Variants in ACTR2 observed in about 807,000 individuals in gnomAD.
The protein encoded by ACTR2 is actin related protein 2.
Under a neutral mutation model 50.2 loss-of-function variants are expected in ACTR2, and 5 were observed. The ratio of observed to expected loss-of-function variants is 0.10; its 90% confidence interval spans 0.05 to 0.21. The LOEUF is 0.21. Among genes scored for constraint, ACTR2 ranks in the 10% least tolerant of loss-of-function variants. The pLI, the probability that ACTR2 is intolerant of heterozygous loss-of-function variation, is 1.00. For synonymous variants in ACTR2, 140 were observed against 162.9 expected, an observed-to-expected ratio of 0.86 and a Z score of 1.07; for missense variants, 180 against 480.6, an observed-to-expected ratio of 0.37 and a Z score of 5.85.
chr2:65,241,041 CCT>C (rs1671832873), intron 2 of ACTR2, among the ~76,000 whole-genome samples: 2 of 150,568 alleles, frequency 1.3e-5, no homozygotes, highest in African/African-American at 4.9e-5. Flanking sequence ...ATTTTTCTGG[CCT>C]CTCCTGTTAA....
chr2:65,248,072 C>A (rs746706831), intron 3 of ACTR2, among the ~76,000 whole-genome samples: 1 of 151,940 alleles, frequency 6.6e-6, no homozygotes, highest in Non-Finnish European at 1.5e-5. Flanking sequence ...AAGATGAGGT[C>A]GAGTAAGTAA....
chr2:65,243,860 G>A (rs1671886032), intron 2 of ACTR2, among the ~76,000 whole-genome samples: 1 of 152,126 alleles, frequency 6.6e-6, no homozygotes, highest in Non-Finnish European at 1.5e-5. Context: ...GTGATGTTCA[G>A]TGGCGGGGCA....
At chr2:65,236,960 A>G (rs886514244) in intron 1 of ACTR2, among the ~76,000 whole-genome samples, 2 of 152,222 alleles carry the variant, frequency 1.3e-5, no homozygotes, top group African/African-American at 2.4e-5. Flanking sequence ...GCCTGGAGCC[A>G]TAGAAAAACA....
chr2:65,266,450 AG>A (rs1239798100), intron 8 of ACTR2, among the ~76,000 whole-genome samples: 1 of 151,532 alleles, frequency 6.6e-6, no homozygotes, highest in East Asian at 1.9e-4. Context: ...TGAGCAAGGG[AG>A]GGGGGCAGGT....
At chr2:65,257,457 A>G (rs1193296853) in intron 6 of ACTR2, among the ~76,000 whole-genome samples, 4 of 152,206 alleles carry the variant, frequency 2.6e-5, no homozygotes, top group African/African-American at 7.2e-5. Context: ...TCCTTTGGGT[A>G]TATACCCAGT....
intron 1 of ACTR2, among the ~76,000 whole-genome samples, chr2:65,236,335 CAAA>C (rs557739010): frequency 2.7e-5 from 3 of 110,324 alleles, no homozygotes. Context: ...GACTCCATCT[CAAA>C]AAAAAAAAAA....
rs200269427 is a variant in ACTR2 at position 65,254,967 on chromosome 2, AT to A, written c.586-570del. ...TTTTTTTTATTTGTAAAGTCTAGTA[AT>A]TTTTTTTCTCTCAGTGGGTTTTTAA... On this transcript the variant is annotated intron_variant, in intron 5 of 8. Transcript: ENST00000260641. Among the ~76,000 whole-genome samples, 4 of 151,830 alleles carry A rather than the reference AT, an allele frequency of 2.6e-5. No homozygotes were observed. The South Asian group carries it at 8.3e-4, about 31-fold the overall frequency.
intron 1 of ACTR2, among the ~76,000 whole-genome samples, chr2:65,238,672 A>AAG: frequency 6.7e-6 from 1 of 150,244 alleles, no homozygotes; most frequent in Middle Eastern, 3.5e-3. Context: ...AAAAAAAAAA[A>AAG]AAGTAAATAG....
At position 65,269,982 on chromosome 2, in the gene ACTR2, AAAG is replaced by A. The variant is rs1329199697; in HGVS notation, c.*1253_*1255del. 6.6e-6 allele frequency: 1 copy of A among 152,208 alleles called. No individual in the cohort carries two copies. The allele number at this position is 152,208 out of a possible 1,614,324, so 9.4% of individuals were successfully genotyped here. ...AATTCTCAGCCATCTTTGAAGCTTG[AAAG>A]AAGAGTCTTTGGTATTTTGTAAACG... On this transcript the variant is annotated 3_prime_UTR_variant, in exon 9 of 9. Coordinates refer to ENST00000260641, the MANE Select transcript of ACTR2 (RefSeq NM_005722.4).
At chr2:65,230,820 G>A (rs1385212811) in intron 1 of ACTR2, among the ~76,000 whole-genome samples, 3 of 152,054 alleles carry the variant, frequency 2.0e-5, no homozygotes, top group Admixed American at 6.5e-5. Context: ...TTGGGAGGCC[G>A]AGGTAGGAGG....
Position 65,244,138 on chromosome 2 carries a change from T to A in ACTR2, c.160-2386T>A, listed in dbSNP as rs1573154597. On this transcript the variant is annotated intron_variant, in intron 2 of 8. Transcript: ENST00000260641. ...TTTATAGTATGTGTGGTCCTAGAAG[T>A]AGATACATGAGGCATTTATTTAGAG... Among the ~76,000 whole-genome samples, 3 of 152,302 alleles carry A rather than the reference T, an allele frequency of 2.0e-5. No homozygotes were observed. In the South Asian group the frequency reaches 6.2e-4, roughly 32 times the overall value.
At position 65,271,112 on chromosome 2, in the gene ACTR2, G is replaced by T. The variant is rs1201953829; in HGVS notation, c.*2378G>T. ...ACTTTTTTCTTTAAAACATGGTTTT[G>T]GTGGTTAACTTTTACACAGTTCTGA... On this transcript the variant is annotated 3_prime_UTR_variant, in exon 9 of 9. Coordinates refer to ENST00000260641, the MANE Select transcript of ACTR2 (RefSeq NM_005722.4). The T allele has an allele frequency of 2.6e-5, 4 of 152,070 alleles. No homozygotes were observed. The highest frequency in any genetic ancestry group is 2.9e-5 in the Non-Finnish European group (2 of 68,006). The allele number at this position is 152,070 out of a possible 1,614,324, so 9.4% of individuals were successfully genotyped here.
intron 8 of ACTR2, 130 bp from the exon 9 acceptor site, chr2:65,268,434 A>AGCC: frequency 2.6e-6 from 1 of 391,232 alleles, no homozygotes. Flanking sequence ...CAGGTACCAA[A>AGCC]TATTACGTTC....
At position 65,268,808 on chromosome 2, in the gene ACTR2, A is replaced by G. The variant is rs562834420; in HGVS notation, c.*74A>G. On this transcript the variant is annotated 3_prime_UTR_variant, in exon 9 of 9. Transcript: ENST00000260641. Reference sequence around the variant, plus strand: ...TATTGCCAATCTTTGAACTCATTCAACTCCAGGACATGGAAGAGGCCTCTC... The same window carrying G: ...TATTGCCAATCTTTGAACTCATTCAGCTCCAGGACATGGAAGAGGCCTCTC... 15 of 1,479,100 alleles carry G rather than the reference A, an allele frequency of 1.0e-5. No individual in the cohort carries two copies. Among genetic ancestry groups the G allele is most frequent in the East Asian group, 6.9e-5 (3 of 43,366 alleles). The allele number at this position is 1,479,100 out of a possible 1,614,324, so 91.6% of individuals were successfully genotyped here.
chr2:65,250,500 C>T (rs1672025960), intron 3 of ACTR2, among the ~76,000 whole-genome samples: 1 of 151,304 alleles, frequency 6.6e-6, no homozygotes, highest in Non-Finnish European at 1.5e-5. Context: ...TAGTGAAACC[C>T]TGTCTGTACT....
chr2:65,243,777 C>T lies in ACTR2; in HGVS notation c.160-2747C>T, dbSNP rs767057113. 2.7e-4 allele frequency among the ~76,000 whole-genome samples: 41 copies of T among 152,168 alleles called. 1 individual carries two copies. Among genetic ancestry groups the T allele is most frequent in the Non-Finnish European group, 1.2e-4 (8 of 68,034 alleles). The stretch of plus-strand genomic sequence containing the variant: ...CTTGGCAAATGTAATCCCTACTACC[C>T]ACTTTTCATGAAGTATAAATACCTT... On this transcript the variant is annotated intron_variant, in intron 2 of 8. Coordinates refer to ENST00000260641, the MANE Select transcript of ACTR2 (RefSeq NM_005722.4).
intron 1 of ACTR2, among the ~76,000 whole-genome samples, chr2:65,231,809 T>C (rs1299827601): frequency 2.0e-5 from 3 of 152,162 alleles, no homozygotes; most frequent in Non-Finnish European, 2.9e-5. Flanking sequence ...AGAGGAATTG[T>C]CTTGGGCCAC....
rs141522492 is a variant in ACTR2, at chr2:65,242,862, A to G, written c.159+2900A>G. On this transcript the variant is annotated intron_variant, in intron 2 of 8. Transcript: ENST00000260641. ...GACAAAAATCAGGCACTTCTAATATATATTTTAACTAGTAATAGTAACTTT... is the reference window on the plus strand; with the variant it reads ...GACAAAAATCAGGCACTTCTAATATGTATTTTAACTAGTAATAGTAACTTT... Among the ~76,000 whole-genome samples, 763 of 152,346 alleles carry G rather than the reference A, an allele frequency of 5.0e-3. 5 individuals are homozygous for G. Among genetic ancestry groups the G allele is most frequent in the African/African-American group, 0.017 (725 of 41,574 alleles).
At chr2:65,238,197 G>T (rs1456954390) in intron 1 of ACTR2, among the ~76,000 whole-genome samples, 1 of 151,852 alleles carries the variant, frequency 6.6e-6, no homozygotes, top group Non-Finnish European at 1.5e-5. Context: ...AATTAAAAAA[G>T]TATTAAAAGC....
Sources: allele counts gnomAD v4.1 joint callset (sites outside exome capture counted in the v4.1 genomes callset), GRCh38; gene constraint gnomAD v4.1.1; transcripts MANE v1.5; gene names NCBI Gene and HGNC (gene_info 2026-07-23, HGNC 2026-07-21).